KHDRBS2: variants seen among roughly 807,000 people sequenced by gnomAD.
The protein encoded by KHDRBS2 is KH domain-containing, RNA-binding, signal transduction-associated protein 2.
KHDRBS2 carries 26 observed loss-of-function variants against 44.3 expected under a neutral mutation model. That is an observed-to-expected ratio of 0.59 (90% CI 0.43 to 0.81). The LOEUF is 0.81. Ranked by LOEUF, KHDRBS2 falls within the 40% of genes least tolerant of loss-of-function variation. KHDRBS2 has a pLI of 0.00. For missense variants in KHDRBS2, 476 were observed against 433.1 expected (o/e 1.10, Z -0.88); for synonymous variants, 194 against 151.1 (o/e 1.28, Z -2.08).
At chr6:62,227,568 G>A (rs551939546) in intron 1 of KHDRBS2, among the ~76,000 whole-genome samples, 1 of 152,278 alleles carries the variant, frequency 6.6e-6, no homozygotes, top group East Asian at 1.9e-4. Flanking sequence ...ATATTGAATA[G>A]GAGCAGTAAG....
At chr6:61,654,733 C>G in the KHDRBS2 span, among the ~76,000 whole-genome samples, 1 of 151,234 alleles carries the variant, frequency 6.6e-6, no homozygotes, top group Non-Finnish European at 1.5e-5. Context: ...GTAACTAACC[C>G]TAAGCTGGAG....
rs370739713 is a variant in KHDRBS2 at position 61,981,467 on chromosome 6, G to GT, written c.337-3256dup. Reference sequence around the variant, plus strand: ...CTCTCACTTAAAAAAAAAAAACTGAGTTTTTTTTTAATTTATTTGTTTGTT... The same window carrying GT: ...CTCTCACTTAAAAAAAAAAAACTGAGTTTTTTTTTTAATTTATTTGTTTGTT... On this transcript the variant is annotated intron_variant, in intron 3 of 8. Coordinates refer to ENST00000281156, the MANE Select transcript of KHDRBS2 (RefSeq NM_152688.4). Among the ~76,000 whole-genome samples the GT allele has an allele frequency of 1.6e-3, 241 of 149,664 alleles. 1 individual carries two copies. The highest frequency in any genetic ancestry group is 5.1e-3 in the African/African-American group (207 of 40,758).
intron 4 of KHDRBS2, among the ~76,000 whole-genome samples, chr6:61,953,057 T>TA (rs956624531): frequency 2.2e-4 from 34 of 152,106 alleles, no homozygotes; most frequent in East Asian, 9.7e-4. Flanking sequence ...AACTCAGAGT[T>TA]AAAAAAATAC....
intron 4 of KHDRBS2, among the ~76,000 whole-genome samples, chr6:61,969,700 G>A (rs1201530173): frequency 6.6e-6 from 1 of 151,872 alleles, no homozygotes. Flanking sequence ...ATTTATGTTG[G>A]AAAAATGCAA....
intron 2 of KHDRBS2, among the ~76,000 whole-genome samples, chr6:62,060,456 T>A (rs1249087428): frequency 6.6e-6 from 1 of 151,714 alleles, no homozygotes; most frequent in Non-Finnish European, 1.5e-5. Flanking sequence ...TGGGAGTAAT[T>A]TAGAGTTTGA....
At chr6:61,776,678 A>C (rs530960129) in intron 6 of KHDRBS2, among the ~76,000 whole-genome samples, 1 of 152,332 alleles carries the variant, frequency 6.6e-6, no homozygotes, top group African/African-American at 2.4e-5. Context: ...GAACACTTTT[A>C]CACTGTTGGT....
intron 4 of KHDRBS2, among the ~76,000 whole-genome samples, chr6:61,955,098 G>GTA (rs1304974866): frequency 8.4e-6 from 1 of 118,708 alleles, no homozygotes; most frequent in Non-Finnish European, 1.9e-5. Context: ...ATACATATAT[G>GTA]TATATATACA....
At chr6:62,091,847 G>A (rs1425804259) in intron 2 of KHDRBS2, among the ~76,000 whole-genome samples, 1 of 152,012 alleles carries the variant, frequency 6.6e-6, no homozygotes. Flanking sequence ...GTAACACTAT[G>A]GTTTGTTATG....
intron 2 of KHDRBS2, among the ~76,000 whole-genome samples, chr6:62,173,540 C>A (rs1201005440): frequency 6.6e-6 from 1 of 151,760 alleles, no homozygotes; most frequent in East Asian, 1.9e-4. Context: ...CCTACTGAAA[C>A]TATTCCAAAC....
chr6:62,240,143 C>T (rs915515204), intron 1 of KHDRBS2, among the ~76,000 whole-genome samples: 2 of 152,048 alleles, frequency 1.3e-5, no homozygotes, highest in African/African-American at 4.8e-5. Context: ...AATTAATGAA[C>T]CATCATTGAT....
chr6:61,589,813 G>T, the KHDRBS2 span, among the ~76,000 whole-genome samples: 6 of 152,262 alleles, frequency 3.9e-5, no homozygotes, highest in East Asian at 1.2e-3. Context: ...TTCACTTGGA[G>T]TTTTATTTCC....
At chr6:61,635,970 A>T in the KHDRBS2 span, among the ~76,000 whole-genome samples, 18 of 152,204 alleles carry the variant, frequency 1.2e-4, no homozygotes, top group South Asian at 3.7e-3. Context: ...AAGCTCAACA[A>T]CAATTTCCAA....
chr6:61,661,066 C>T, the KHDRBS2 span, among the ~76,000 whole-genome samples: 1 of 151,790 alleles, frequency 6.6e-6, no homozygotes, highest in African/African-American at 2.4e-5. Flanking sequence ...ATATGAAAGT[C>T]ACCACATTAC....
chr6:62,106,358 G>A (rs906816217), intron 2 of KHDRBS2, among the ~76,000 whole-genome samples: 11 of 151,992 alleles, frequency 7.2e-5, no homozygotes, highest in South Asian at 2.1e-4. Context: ...CTCGCTGATC[G>A]GTCTAATGTG....
chr6:61,686,532 A>T (rs1458386604), intron 8 of KHDRBS2, among the ~76,000 whole-genome samples: 1 of 151,780 alleles, frequency 6.6e-6, no homozygotes, highest in Non-Finnish European at 1.5e-5. Flanking sequence ...GATAGCATCC[A>T]TTTTATTTAC....
At chr6:61,999,624 T>C (rs1777847365) in intron 3 of KHDRBS2, among the ~76,000 whole-genome samples, 1 of 152,140 alleles carries the variant, frequency 6.6e-6, no homozygotes, top group Non-Finnish European at 1.5e-5. Context: ...ATATTTTTAA[T>C]ATCCAACAAT....
intron 3 of KHDRBS2, among the ~76,000 whole-genome samples, chr6:62,037,789 C>G (rs1785610129): frequency 6.6e-6 from 1 of 151,960 alleles, no homozygotes; most frequent in African/African-American, 2.4e-5. Flanking sequence ...TGCAAGAATA[C>G]TGGCATAACA....
At chr6:61,946,627 A>G (rs1813418805) in intron 4 of KHDRBS2, among the ~76,000 whole-genome samples, 1 of 152,160 alleles carries the variant, frequency 6.6e-6, no homozygotes, top group Admixed American at 6.6e-5. Flanking sequence ...TGTGGGCTAG[A>G]GAGGATAAGC....
At chr6:62,107,168 T>C (rs879045611) in intron 2 of KHDRBS2, among the ~76,000 whole-genome samples, 1 of 151,932 alleles carries the variant, frequency 6.6e-6, no homozygotes. Flanking sequence ...TGTTTGCAGA[T>C]GACATGATTG....
Sources: allele counts gnomAD v4.1 joint callset (sites outside exome capture counted in the v4.1 genomes callset), GRCh38; gene constraint gnomAD v4.1.1; transcripts MANE v1.5; gene names NCBI Gene and HGNC (gene_info 2026-07-23, HGNC 2026-07-21).